The following SLC2A13 variants were observed in gnomAD, a reference collection of about 807,000 sequenced individuals.
SLC2A13 encodes the protein solute carrier family 2 member 13, also known as proton myo-inositol cotransporter.
Under a neutral mutation model 64.4 loss-of-function variants are expected in SLC2A13, and 32 were observed. The ratio of observed to expected loss-of-function variants is 0.50; its 90% CI spans 0.37 to 0.67. The LOEUF is 0.67. SLC2A13 is among the 30% of genes least tolerant of loss of function. The pLI is 0.00. For synonymous variants in SLC2A13, 338 were observed against 327.1 expected (o/e 1.03, Z -0.36); for missense variants, 743 against 829.2 (o/e 0.90, Z 1.28).
chr12:39,998,071 G>A (rs920514239), intron 3 of SLC2A13, among the ~76,000 whole-genome samples: 4 of 152,094 alleles, frequency 2.6e-5, no homozygotes, highest in South Asian at 4.1e-4. Flanking sequence ...ACTTGCACAC[G>A]CACATTTACA....
At chr12:40,042,317 T>C (rs1948102166) in intron 2 of SLC2A13, among the ~76,000 whole-genome samples, 1 of 152,166 alleles carries the variant, frequency 6.6e-6, no homozygotes, top group Non-Finnish European at 1.5e-5. Context: ...TCTGTATATA[T>C]ACCTATCCCT....
At chr12:39,903,548 G>A (rs145715788) in intron 4 of SLC2A13, among the ~76,000 whole-genome samples, 42 of 152,120 alleles carry the variant, frequency 2.8e-4, no homozygotes, top group African/African-American at 8.4e-4. Flanking sequence ...GGGTCCCTCC[G>A]TATGTGGTAC....
intron 7 of SLC2A13, among the ~76,000 whole-genome samples, chr12:39,812,835 CTTTT>C (rs780822070): frequency 0.012 from 1,523 of 127,940 alleles, 35 homozygotes; most frequent in African/African-American, 0.041. Context: ...GTAGTATTAC[CTTTT>C]TTTTTTTTTT....
chr12:39,840,242 G>A (rs1350045015), intron 6 of SLC2A13, among the ~76,000 whole-genome samples: 1 of 151,852 alleles, frequency 6.6e-6, no homozygotes, highest in African/African-American at 2.4e-5. Flanking sequence ...ATGTTGGCCA[G>A]CCACCACGCC....
intron 6 of SLC2A13, among the ~76,000 whole-genome samples, chr12:39,851,344 C>A (rs1943462100): frequency 6.6e-6 from 1 of 151,970 alleles, no homozygotes; most frequent in Non-Finnish European, 1.5e-5. Context: ...GGATTTATGA[C>A]ATAAAAATCA....
intron 1 of SLC2A13, among the ~76,000 whole-genome samples, chr12:40,090,521 CA>C (rs1488868727): frequency 2.0e-5 from 3 of 152,140 alleles, no homozygotes; most frequent in Admixed American, 2.0e-4. Flanking sequence ...TTAACCATAG[CA>C]GCAGCTATCC....
chr12:39,775,024 C>T (rs10444570), intron 7 of SLC2A13, among the ~76,000 whole-genome samples: 116,128 of 152,120 alleles, frequency 0.76, 45,110 homozygotes, highest in Non-Finnish European at 0.84. Context: ...GAATATTCAT[C>T]CCCTCTGTCT....
intron 2 of SLC2A13, among the ~76,000 whole-genome samples, chr12:40,029,302 AG>A (rs1947869862): frequency 6.6e-6 from 1 of 152,160 alleles, no homozygotes; most frequent in African/African-American, 2.4e-5. Flanking sequence ...AACATCTCTA[AG>A]GCCTCCATCT....
chr12:39,763,798 CAA>C (rs1491468669), intron 9 of SLC2A13, among the ~76,000 whole-genome samples: 5 of 152,048 alleles, frequency 3.3e-5, no homozygotes, highest in South Asian at 2.1e-4. Flanking sequence ...TTCTAAAAAG[CAA>C]AGTCTTTTCC....
At chr12:39,970,076 C>T in intron 3 of SLC2A13, among the ~76,000 whole-genome samples, 1 of 152,122 alleles carries the variant, frequency 6.6e-6, no homozygotes, top group Non-Finnish European at 1.5e-5. Context: ...CCATTTCTTG[C>T]TTTCATCAGG....
intron 4 of SLC2A13, among the ~76,000 whole-genome samples, chr12:39,903,382 G>T (rs1475706993): frequency 6.6e-6 from 1 of 152,058 alleles, no homozygotes; most frequent in Non-Finnish European, 1.5e-5. Flanking sequence ...AAATTTATCA[G>T]GTAAACTAGT....
chr12:39,894,034 A>C (rs1217798794), intron 4 of SLC2A13, among the ~76,000 whole-genome samples: 1 of 152,242 alleles, frequency 6.6e-6, no homozygotes, highest in African/African-American at 2.4e-5. Context: ...TGTGTAGTAC[A>C]TTTGATAGGC....
At chr12:39,792,255 C>A (rs1486475930) in intron 7 of SLC2A13, among the ~76,000 whole-genome samples, 2 of 142,492 alleles carry the variant, frequency 1.4e-5, no homozygotes, top group African/African-American at 5.3e-5. Flanking sequence ...AACGTTAGAC[C>A]TAAAACCATA....
intron 1 of SLC2A13, among the ~76,000 whole-genome samples, chr12:40,060,709 G>C (rs1423729368): frequency 1.3e-5 from 2 of 152,064 alleles, no homozygotes; most frequent in Admixed American, 1.3e-4. Flanking sequence ...ACAGAAAAAA[G>C]TATCTTTCAA....
intron 3 of SLC2A13, among the ~76,000 whole-genome samples, chr12:39,968,132 G>T (rs547073298): frequency 6.6e-6 from 1 of 152,170 alleles, no homozygotes; most frequent in Non-Finnish European, 1.5e-5. Context: ...AGGTTTAATG[G>T]ATTCACCATT....
At chr12:39,823,032 A>G (rs781338473) in intron 7 of SLC2A13, among the ~76,000 whole-genome samples, 3 of 152,206 alleles carry the variant, frequency 2.0e-5, no homozygotes, top group Non-Finnish European at 2.9e-5. Flanking sequence ...TAAATTTCTG[A>G]ACCTGAAAAA....
At chr12:39,964,614 A>G (rs923144829) in intron 3 of SLC2A13, among the ~76,000 whole-genome samples, 5 of 152,248 alleles carry the variant, frequency 3.3e-5, no homozygotes, top group Non-Finnish European at 7.3e-5. Context: ...CGGGAACATA[A>G]CTGACAGAGC....
intron 6 of SLC2A13, among the ~76,000 whole-genome samples, chr12:39,844,583 G>GA (rs1943258909): frequency 6.6e-6 from 1 of 151,872 alleles, no homozygotes; most frequent in African/African-American, 2.4e-5. Flanking sequence ...AATTAATCAA[G>GA]AAAGTGAGGT....
chr12:40,034,532 A>C (rs1178719092), intron 2 of SLC2A13, among the ~76,000 whole-genome samples: 6 of 152,134 alleles, frequency 3.9e-5, no homozygotes, highest in Non-Finnish European at 7.3e-5. Context: ...AAATGAAAAA[A>C]CTGTATCTGT....
Sources: allele counts gnomAD v4.1 joint callset (sites outside exome capture counted in the v4.1 genomes callset), GRCh38; gene constraint gnomAD v4.1.1; transcripts MANE v1.5; gene names NCBI Gene and HGNC (gene_info 2026-07-23, HGNC 2026-07-21).